ODAD2: variants seen among roughly 807,000 people sequenced by gnomAD.
ODAD2 encodes the protein outer dynein arm docking complex subunit 2.
Under a neutral mutation model 106.8 loss-of-function variants are expected in ODAD2, and 89 were observed. The ratio of observed to expected loss-of-function variants is 0.83; its 90% CI spans 0.70 to 0.99. The LOEUF (loss-of-function observed/expected upper bound fraction) is 0.99, where lower values mean the gene tolerates loss of function less well. ODAD2 is among the 50% of genes least tolerant of loss of function. The probability of loss-of-function intolerance (pLI) is 0.00; values close to 1 mark genes in which losing one functional copy is unlikely to be tolerated. For synonymous variants in ODAD2, 404 were observed against 436.2 expected, an observed-to-expected ratio of 0.93 and a Z score of 0.92; for missense variants, 1,168 against 1,238.5, an observed-to-expected ratio of 0.94 and a Z score of 0.85.
rs117377832 is a variant in ODAD2, at chr10:27,983,279, G to A, written c.819+564C>T. ...CCATCTCTACAAGGATCCTCTTCCC[G>A]AGGTATGAGCATTAACTGGGCAGTG... On this transcript the variant is annotated intron_variant, in intron 6 of 19. Coordinates refer to ENST00000305242, the MANE Select transcript of ODAD2 (RefSeq NM_018076.5). Among the ~76,000 whole-genome samples the A allele has an allele frequency of 1.5e-3, 232 of 152,232 alleles. 1 individual carries two copies. Among genetic ancestry groups the A allele is most frequent in the Admixed American group, 0.01 (158 of 15,296 alleles).
chr10:27,908,872 C>T (rs1181286653), intron 16 of ODAD2, among the ~76,000 whole-genome samples: 2 of 151,500 alleles, frequency 1.3e-5, no homozygotes, highest in Non-Finnish European at 2.9e-5. Context: ...TGTAAATAGC[C>T]GATAGTAAGA....
chr10:27,882,379 G>A (rs1361333066), intron 17 of ODAD2, among the ~76,000 whole-genome samples: 1 of 152,056 alleles, frequency 6.6e-6, no homozygotes, highest in African/African-American at 2.4e-5. Flanking sequence ...TCTAAAATGT[G>A]TTGCTGTTAC....
intron 19 of ODAD2, among the ~76,000 whole-genome samples, chr10:27,815,576 T>C (rs1453857258): frequency 6.6e-6 from 1 of 152,186 alleles, no homozygotes; most frequent in Non-Finnish European, 1.5e-5. Context: ...CAGCATTTGA[T>C]ATAATTGGCC....
At chr10:27,958,902 C>T in intron 10 of ODAD2, 1 of 1,303,912 alleles carries the variant, frequency 7.7e-7, no homozygotes, top group Non-Finnish European at 1.0e-6. Flanking sequence ...AAAGATCATG[C>T]TTCTAATTAC....
chr10:27,844,938 G>A (rs1838610317), intron 19 of ODAD2, among the ~76,000 whole-genome samples: 2 of 152,176 alleles, frequency 1.3e-5, no homozygotes, highest in South Asian at 4.1e-4. Context: ...GGATGAAGAA[G>A]ACAAGCAGTC....
chr10:27,991,056 C>T (rs762739207), intron 2 of ODAD2, among the ~76,000 whole-genome samples: 22 of 152,098 alleles, frequency 1.4e-4, no homozygotes, highest in Admixed American at 4.6e-4. Context: ...ATCAAAGTGC[C>T]TTGGTTCTAT....
intron 9 of ODAD2, among the ~76,000 whole-genome samples, chr10:27,965,249 G>C (rs982640016): frequency 6.6e-6 from 1 of 152,176 alleles, no homozygotes; most frequent in Non-Finnish European, 1.5e-5. Context: ...TGAAGAGTAA[G>C]GTAGTTTGAA....
At chr10:27,988,803 G>C (rs999930254) in intron 2 of ODAD2, among the ~76,000 whole-genome samples, 6 of 152,096 alleles carry the variant, frequency 3.9e-5, no homozygotes, top group African/African-American at 1.2e-4. Flanking sequence ...GTTCACATCT[G>C]AATCCCCAAA....
chr10:27,814,950 T>A (rs559117157), intron 19 of ODAD2, among the ~76,000 whole-genome samples: 1 of 152,300 alleles, frequency 6.6e-6, no homozygotes, highest in East Asian at 1.9e-4. Flanking sequence ...TTTGTGTCCC[T>A]CTCATTAGGT....
intron 19 of ODAD2, among the ~76,000 whole-genome samples, chr10:27,835,275 C>G (rs978262535): frequency 6.6e-6 from 1 of 152,176 alleles, no homozygotes; most frequent in Admixed American, 6.5e-5. Context: ...AGGCTGAGGA[C>G]TGAATACCTG....
At chr10:27,819,574 TAAAAAA>T (rs56031733) in intron 19 of ODAD2, among the ~76,000 whole-genome samples, 5 of 74,014 alleles carry the variant, frequency 6.8e-5, no homozygotes, top group Admixed American at 1.6e-4. Flanking sequence ...CCCTGTCTCT[TAAAAAA>T]AAAAAAAAAA....
At chr10:27,969,765 A>G (rs1486364822) in intron 8 of ODAD2, among the ~76,000 whole-genome samples, 1 of 152,200 alleles carries the variant, frequency 6.6e-6, no homozygotes, top group Non-Finnish European at 1.5e-5. Flanking sequence ...AAATGGGACA[A>G]CATAGAATAT....
chr10:27,827,248 C>G (rs1408774940), intron 19 of ODAD2, among the ~76,000 whole-genome samples: 2 of 151,774 alleles, frequency 1.3e-5, no homozygotes, highest in African/African-American at 2.4e-5. Flanking sequence ...TGTCCTTCAA[C>G]CTCATTTTTT....
intron 17 of ODAD2, among the ~76,000 whole-genome samples, chr10:27,863,789 G>A (rs749931933): frequency 2.6e-5 from 4 of 151,580 alleles, no homozygotes; most frequent in Non-Finnish European, 5.9e-5. Flanking sequence ...TCATCATGTT[G>A]CACAGATCTG....
chr10:27,879,107 T>A (rs1841542744), intron 17 of ODAD2, among the ~76,000 whole-genome samples: 2 of 152,120 alleles, frequency 1.3e-5, no homozygotes, highest in South Asian at 4.1e-4. Flanking sequence ...AATGGTTGAT[T>A]TGTTTCTGCT....
intron 19 of ODAD2, among the ~76,000 whole-genome samples, chr10:27,844,131 G>A (rs1195046575): frequency 1.3e-5 from 2 of 152,150 alleles, no homozygotes; most frequent in African/African-American, 4.8e-5. Flanking sequence ...GGAGTTAGAG[G>A]CTTCAGTGAG....
At chr10:27,947,007 G>T (rs1371363320) in intron 10 of ODAD2, among the ~76,000 whole-genome samples, 1 of 152,034 alleles carries the variant, frequency 6.6e-6, no homozygotes, top group African/African-American at 2.4e-5. Flanking sequence ...GATGCAGCAG[G>T]CTGTCCTCCA....
chr10:27,896,117 T>C (rs2133756937), intron 17 of ODAD2, among the ~76,000 whole-genome samples: 1 of 152,338 alleles, frequency 6.6e-6, no homozygotes, highest in East Asian at 1.9e-4. Context: ...CTTCTTCATC[T>C]CTTTTGAATT....
At chr10:27,881,375 T>C (rs1445734285) in intron 17 of ODAD2, among the ~76,000 whole-genome samples, 3 of 151,292 alleles carry the variant, frequency 2.0e-5, no homozygotes, top group Non-Finnish European at 4.4e-5. Context: ...AGGCCAGGAG[T>C]GGTGGCTTAT....
Sources: gnomAD v4.1 joint callset for allele counts (sites outside exome capture counted in the v4.1 genomes callset) on GRCh38, gnomAD v4.1.1 for gene constraint, MANE v1.5 for transcripts, NCBI Gene and HGNC (gene_info 2026-07-23, HGNC 2026-07-21) for gene names.